GPC6: variants seen among roughly 807,000 people sequenced by gnomAD.
GPC6 encodes the protein glypican 6.
GPC6 carries 14 observed loss-of-function variants against 55.2 expected under a neutral mutation model. The ratio of observed to expected loss-of-function variants is 0.25; its 90% CI spans 0.17 to 0.40. GPC6 has a LOEUF of 0.40. Ranked by LOEUF, GPC6 falls within the 10% of genes least tolerant of loss-of-function variation. The probability of loss-of-function intolerance (pLI) is 1.00; values close to 1 mark genes in which losing one functional copy is unlikely to be tolerated. For missense variants in GPC6, 641 were observed against 708.5 expected, an observed-to-expected ratio of 0.90 and a Z score of 1.08; for synonymous variants, 278 against 259.6, an observed-to-expected ratio of 1.07 and a Z score of -0.68.
chr13:93,534,554 C>T (rs1261156639), intron 1 of GPC6, among the ~76,000 whole-genome samples: 1 of 152,162 alleles, frequency 6.6e-6, no homozygotes, highest in Admixed American at 6.5e-5. Context: ...CTCACCAGGT[C>T]TATTCCTGGC....
intron 4 of GPC6, among the ~76,000 whole-genome samples, chr13:94,247,868 C>A (rs1342939626): frequency 6.6e-6 from 1 of 151,522 alleles, no homozygotes; most frequent in African/African-American, 2.4e-5. Flanking sequence ...CTGTTTTGCC[C>A]AGGGTAGAGT....
intron 3 of GPC6, among the ~76,000 whole-genome samples, chr13:93,928,842 T>C (rs531329265): frequency 7.1e-6 from 1 of 140,974 alleles, no homozygotes; most frequent in East Asian, 2.1e-4. Flanking sequence ...GCTTTCTGTT[T>C]GATCCCTGTG....
At chr13:93,389,987 T>C (rs940066982) in intron 1 of GPC6, among the ~76,000 whole-genome samples, 8 of 152,042 alleles carry the variant, frequency 5.3e-5, no homozygotes, top group African/African-American at 1.9e-4. Flanking sequence ...ATGTGTAATT[T>C]GAGTGGGATG....
intron 1 of GPC6, among the ~76,000 whole-genome samples, chr13:93,423,251 G>T (rs369074084): frequency 6.6e-6 from 1 of 152,110 alleles, no homozygotes; most frequent in Non-Finnish European, 1.5e-5. Context: ...AATGTCTTCC[G>T]ATCAGGCCAG....
chr13:94,066,370 C>G (rs935111541), intron 4 of GPC6, among the ~76,000 whole-genome samples: 1 of 152,034 alleles, frequency 6.6e-6, no homozygotes, highest in Non-Finnish European at 1.5e-5. Context: ...TCTACTTTCT[C>G]TACTGTAAAT....
At chr13:94,302,937 C>G (rs147364927) in intron 5 of GPC6, among the ~76,000 whole-genome samples, 279 of 152,352 alleles carry the variant, frequency 1.8e-3, no homozygotes, top group African/African-American at 6.3e-3. Context: ...TTAGGACAAA[C>G]CGAGGCACTT....
chr13:94,049,248 C>CAAAA lies in GPC6; in HGVS notation c.877+21366_877+21369dup, dbSNP rs776241623. Among the ~76,000 whole-genome samples, 443 of 138,284 alleles carry CAAAA rather than the reference C, an allele frequency of 3.2e-3. 18 individuals are homozygous for CAAAA. The East Asian group carries it at 0.08, about 25-fold the overall frequency. 90.7% of individuals were successfully genotyped at this position (138,284 alleles called of 152,430 possible). A position where few individuals can be genotyped will look rare whatever the true frequency, so the allele number is the denominator to read the frequency against. ...TAGGTGACAGAGGGAGATCTTATCT[C>CAAAA]AAAAAAAAAAAAAAAGAGGCATTGT... On this transcript the variant is annotated intron_variant, in intron 4 of 8. Transcript: ENST00000377047.
At chr13:94,023,582 A>G (rs1446731255) in intron 3 of GPC6, among the ~76,000 whole-genome samples, 1 of 152,044 alleles carries the variant, frequency 6.6e-6, no homozygotes. Flanking sequence ...ACAAAACGAA[A>G]CATACTCTTA....
chr13:94,100,240 C>T (rs866748834), intron 4 of GPC6, among the ~76,000 whole-genome samples: 2 of 150,334 alleles, frequency 1.3e-5, no homozygotes, highest in African/African-American at 2.4e-5. Flanking sequence ...GAAAGCTAAG[C>T]AAATAGAGTT....
chr13:93,720,738 T>C lies in GPC6; in HGVS notation c.320-109416T>C, dbSNP rs563152398. ...ATATCCCTCTAAACACTGCTTTAGC[T>C]GTGTCCCAAATATTCTGGTACGTTG... On this transcript the variant is annotated intron_variant, in intron 2 of 8. Transcript: ENST00000377047. 9.9e-5 allele frequency among the ~76,000 whole-genome samples: 15 copies of C among 152,226 alleles called. No homozygotes were observed. The East Asian group carries it at 2.7e-3, about 27-fold the overall frequency.
At position 93,885,758 on chromosome 13, in the gene GPC6, C is replaced by G. The variant is rs186475055; in HGVS notation, c.711+55213C>G. On this transcript the variant is annotated intron_variant, in intron 3 of 8. Transcript: ENST00000377047. Reference sequence around the variant, plus strand: ...GAGTTTGGTTTAAGACAGAACAGGGCTTTCATTTCTATTTCATATTTTTTA... The same window carrying G: ...GAGTTTGGTTTAAGACAGAACAGGGGTTTCATTTCTATTTCATATTTTTTA... Among the ~76,000 whole-genome samples the G allele has an allele frequency of 1.0e-3, 155 of 152,234 alleles. 3 individuals are homozygous for G. The highest frequency in any genetic ancestry group is 5.9e-4 in the Non-Finnish European group (40 of 68,006).
intron 2 of GPC6, among the ~76,000 whole-genome samples, chr13:93,625,909 G>C (rs2139564029): frequency 6.6e-6 from 1 of 152,184 alleles, no homozygotes; most frequent in East Asian, 1.9e-4. Context: ...CCTCATTGTG[G>C]GATCCTTTTC....
chr13:93,811,800 G>A (rs759932425), intron 2 of GPC6, among the ~76,000 whole-genome samples: 55 of 152,144 alleles, frequency 3.6e-4, no homozygotes, highest in Admixed American at 6.5e-4. Flanking sequence ...TATGTGTAAG[G>A]AAACAAAAAG....
chr13:93,379,078 CT>C (rs956456494), intron 1 of GPC6, among the ~76,000 whole-genome samples: 1 of 151,896 alleles, frequency 6.6e-6, no homozygotes, highest in African/African-American at 2.4e-5. Context: ...TCAAGAATGA[CT>C]TTCTAACAAG....
chr13:93,268,061 G>T (rs980022010), intron 1 of GPC6, among the ~76,000 whole-genome samples: 15 of 152,034 alleles, frequency 9.9e-5, no homozygotes, highest in African/African-American at 3.6e-4. Context: ...AAAAATAAAT[G>T]ATTATATTTG....
intron 2 of GPC6, among the ~76,000 whole-genome samples, chr13:93,662,087 T>C (rs1022277378): frequency 6.6e-6 from 1 of 152,174 alleles, no homozygotes. Context: ...CTATGTGAGT[T>C]AGAAGTCATC....
At chr13:93,354,439 C>T (rs947664800) in intron 1 of GPC6, among the ~76,000 whole-genome samples, 2 of 147,792 alleles carry the variant, frequency 1.4e-5, no homozygotes, top group African/African-American at 2.5e-5. Context: ...CAAGCTCTGC[C>T]TCCCGGGTTC....
chr13:94,342,780 C>T (rs563377182), intron 6 of GPC6, among the ~76,000 whole-genome samples: 2 of 152,210 alleles, frequency 1.3e-5, no homozygotes, highest in South Asian at 4.2e-4. Flanking sequence ...TCCTGCACCT[C>T]GGGGTCCCTT....
intron 1 of GPC6, among the ~76,000 whole-genome samples, chr13:93,362,888 C>T (rs1046082553): frequency 1.3e-5 from 2 of 152,070 alleles, no homozygotes; most frequent in Non-Finnish European, 2.9e-5. Flanking sequence ...TTAGCAAGTA[C>T]AAATGTGAGT....
Sources: gnomAD v4.1 joint callset for allele counts (sites outside exome capture counted in the v4.1 genomes callset) on GRCh38, gnomAD v4.1.1 for gene constraint, MANE v1.5 for transcripts, NCBI Gene and HGNC (gene_info 2026-07-23, HGNC 2026-07-21) for gene names.